Variants in RFPL3 observed in about 807,000 individuals in gnomAD.
RFPL3 encodes the protein ret finger protein like 3, also known as ret finger protein-like 3.
Under a neutral mutation model 8.7 loss-of-function variants are expected in RFPL3, and 8 were observed. The observed-to-expected ratio is 0.92, with a 90% CI of 0.54 to 1.66. The LOEUF (loss-of-function observed/expected upper bound fraction) is 1.66, where lower values mean the gene tolerates loss of function less well. Among genes scored for constraint, RFPL3 ranks in the 40% most tolerant of loss-of-function variants. The pLI, the probability that RFPL3 is intolerant of heterozygous loss-of-function variation, is 0.00. For missense variants in RFPL3, 341 were observed against 395.0 expected, an observed-to-expected ratio of 0.86 and a Z score of 1.16; for synonymous variants, 145 against 150.5, an observed-to-expected ratio of 0.96 and a Z score of 0.27.
Position 32,357,936 on chromosome 22 carries a change from G to C in RFPL3, c.-136G>C. ...TGGACCCTTCCTCCACCTCAGCTCA[G>C]AGCACAGTGATGATTCGTGACTTTC... On this transcript the variant is annotated 5_prime_UTR_variant, in exon 1 of 2. Transcript: ENST00000249007. 6.5e-7 allele frequency: 1 copy of C among 1,526,856 alleles called. No individual in the cohort carries two copies. The highest frequency in any genetic ancestry group is 8.8e-7 in the Non-Finnish European group (1 of 1,138,734). The allele number at this position is 1,526,856 out of a possible 1,614,324, so 94.6% of individuals were successfully genotyped here.
intron 1 of RFPL3, 90 bp from the exon 2 acceptor site, chr22:32,360,162 A>C (rs552952614): frequency 2.0e-6 from 3 of 1,466,916 alleles, no homozygotes; most frequent in South Asian, 2.8e-5. Flanking sequence ...AAGAAACTAA[A>C]GTCAGGAGAT....
rs1279338701 is a variant in RFPL3, at chr22:32,358,369, G to T, written c.298G>T (p.Val100Phe). 6.2e-7 allele frequency: 1 copy of T among 1,614,140 alleles called. No homozygotes were observed. The highest frequency in any genetic ancestry group is 1.3e-5 in the African/African-American group (1 of 75,022). ...GCCCAATCGGCAGCTAGAGAGGCTGGTTTCCCACATCAAGGAACTGGAGCC... is the reference window on the plus strand; with the variant it reads ...GCCCAATCGGCAGCTAGAGAGGCTGTTTTCCCACATCAAGGAACTGGAGCC... ...IRPNRQLERLVSHIKELEPKL... is the reference protein window; with the variant it reads ...IRPNRQLERLFSHIKELEPKL... The change falls in exon 1 of 2, where the codon GTT becomes TTT. Residue 100 changes from valine to phenylalanine, a missense_variant. Physicochemically the swap from Val to Phe is conservative, Grantham distance 50. Transcript: ENST00000249007.
upstream of RFPL3, chr22:32,357,740 T>C (rs1932716037): frequency 3.1e-6 from 2 of 647,836 alleles, no homozygotes; most frequent in Non-Finnish European, 4.2e-6. Context: ...GTGCTGGGAT[T>C]ACAGGCATGA....
rs146824805 is a variant in RFPL3 at position 32,360,573 on chromosome 22, C to T, written c.695C>T (p.Pro232Leu). Residue 232 changes from proline to leucine, a missense_variant, in exon 2 of 2, where the codon CCG (proline) becomes CTG (leucine). Transcript: ENST00000249007. ...AGCCGCCTCTCTGCCAGCACGGTGCCGCTGACTTTCCTCTTAGTAGACCGC... is the reference window on the plus strand; with the variant it reads ...AGCCGCCTCTCTGCCAGCACGGTGCTGCTGACTTTCCTCTTAGTAGACCGC... ...DGSRLSASTV[P>L]LTFLLVDRKL... The T allele has an allele frequency of 1.1e-4, 179 of 1,613,912 alleles. 4 individuals carry two copies. Among genetic ancestry groups the T allele is most frequent in the Middle Eastern group, 9.9e-4 (6 of 6,056 alleles).
upstream of RFPL3, among the ~76,000 whole-genome samples, chr22:32,357,467 G>A (rs1340050689): frequency 7.2e-6 from 1 of 139,010 alleles, no homozygotes; most frequent in Admixed American, 7.3e-5. Flanking sequence ...ACTGCATCCA[G>A]CCCCCTTTTT....
At chr22:32,358,936 C>T (rs571031202) in intron 1 of RFPL3, among the ~76,000 whole-genome samples, 57 of 152,260 alleles carry the variant, frequency 3.7e-4, no homozygotes, top group African/African-American at 1.3e-3. Context: ...GAATGGAGCA[C>T]CTATGGTGTT....
At chr22:32,355,772 A>C (rs191097084), upstream of RFPL3, among the ~76,000 whole-genome samples, 1 of 123,728 alleles carries the variant, frequency 8.1e-6, no homozygotes, top group East Asian at 2.1e-4. Flanking sequence ...ACACAGCGAG[A>C]CTTTGTCTCA....
In RFPL3 at chr22:32,358,294, G is replaced by T. The variant is rs759338505; in HGVS notation, c.223G>T (p.Asp75Tyr). 1.9e-6 allele frequency: 3 copies of T among 1,614,014 alleles called. No homozygotes were observed. Among genetic ancestry groups the T allele is most frequent in the Non-Finnish European group, 2.5e-6 (3 of 1,179,930 alleles). Residue 75 changes from aspartate (D) to tyrosine (Y), a missense_variant, in exon 1 of 2, where the codon GAT becomes TAT. Physicochemically the swap from Asp to Tyr is radical, Grantham distance 160. Transcript: ENST00000249007. ...NSLQKEPHGE[D>Y]LLCCCCSMVS... ...GCTGCAGAAGGAGCCCCATGGGGAG[G>T]ATCTGCTTTGCTGTTGCTGTTCCAT...
intron 1 of RFPL3, among the ~76,000 whole-genome samples, chr22:32,359,200 CCTGA>C (rs1426001099): frequency 5.3e-5 from 8 of 152,290 alleles, no homozygotes; most frequent in African/African-American, 7.2e-5. Flanking sequence ...TCTACCCATA[CCTGA>C]CTGTCTCTCT....
upstream of RFPL3, among the ~76,000 whole-genome samples, chr22:32,355,800 A>AAAG (rs1556020592): frequency 2.0e-5 from 3 of 146,748 alleles, no homozygotes; most frequent in African/African-American, 2.5e-5. Flanking sequence ...AAAAAAAAAA[A>AAAG]GAAAGAAAAG....
At chr22:32,359,559 A>T (rs16990246) in intron 1 of RFPL3, among the ~76,000 whole-genome samples, 9,879 of 152,136 alleles carry the variant, frequency 0.065, 388 homozygotes, top group African/African-American at 0.11. Context: ...TTCTGCCCTT[A>T]TTCTCTACAA....
At chr22:32,358,642 T>C (rs1423555866) in intron 1 of RFPL3, among the ~76,000 whole-genome samples, 198 bp downstream of exon 1, 2 of 152,184 alleles carry the variant, frequency 1.3e-5, no homozygotes, top group Non-Finnish European at 2.9e-5. Context: ...AAAAACCCGA[T>C]GTCTATGTCA....
upstream of RFPL3, among the ~76,000 whole-genome samples, chr22:32,356,399 C>T (rs1446073083): frequency 2.6e-5 from 4 of 151,400 alleles, no homozygotes; most frequent in African/African-American, 9.7e-5. Flanking sequence ...CCTCAGGAGA[C>T]ACCCCTGGGA....
At position 32,358,379 on chromosome 22, in the gene RFPL3, T is replaced by C. The variant is rs762848676; in HGVS notation, c.308T>C (p.Ile103Thr). ...CAGCTAGAGAGGCTGGTTTCCCACA[T>C]CAAGGAACTGGAGCCCAAGCTGAAG... ...NRQLERLVSH[I>T]KELEPKLKKI... is the part of the protein sequence containing the mutation. The change falls in exon 1 of 2, where the codon ATC becomes ACC. Residue 103 changes from isoleucine (I) to threonine (T), a missense_variant. By Grantham distance (89) the Ile-to-Thr change is moderately conservative (BLOSUM62 -1). Coordinates refer to ENST00000249007, the MANE Select transcript of RFPL3 (RefSeq NM_001098535.1). The C allele has an allele frequency of 6.2e-7, 1 of 1,613,880 alleles. No homozygotes were observed. Among genetic ancestry groups the C allele is most frequent in the Non-Finnish European group, 8.5e-7 (1 of 1,179,936 alleles).
At position 32,357,990 on chromosome 22, in the gene RFPL3, G is replaced by T. The variant is rs555135679; in HGVS notation, c.-82G>T. On this transcript the variant is annotated 5_prime_UTR_variant, in exon 1 of 2. Transcript: ENST00000249007. ...ATAGAACTTCAAATCTCTGAGGACG[G>T]GGGGTGGGGGGATGTGCTTGAGTGT... 6 of 1,558,192 alleles carry T rather than the reference G, an allele frequency of 3.9e-6. No homozygotes were observed. The African/African-American group carries it at 4.2e-5, about 11-fold the overall frequency.
upstream of RFPL3, among the ~76,000 whole-genome samples, chr22:32,357,551 C>G (rs1276242253): frequency 6.6e-6 from 1 of 151,848 alleles, no homozygotes; most frequent in Admixed American, 6.6e-5. Flanking sequence ...AGTGCAACTT[C>G]TGCCTCCCAG....
upstream of RFPL3, among the ~76,000 whole-genome samples, chr22:32,355,074 C>T (rs5998437): frequency 0.075 from 10,052 of 134,530 alleles, 415 homozygotes; most frequent in Admixed American, 0.13. Flanking sequence ...AAAACTCCCC[C>T]CACTTGGCAT....
upstream of RFPL3, chr22:32,357,761 C>T (rs1337475860): frequency 3.3e-6 from 3 of 913,190 alleles, no homozygotes; most frequent in East Asian, 4.9e-5. Context: ...GCCATCGTGC[C>T]CAGCCTCTCA....
Position 32,358,459 on chromosome 22 carries a change from T to C in RFPL3, c.373+15T>C. 2 of 1,601,190 alleles carry C rather than the reference T, an allele frequency of 1.2e-6. No homozygotes were observed. The highest frequency in any genetic ancestry group is 1.7e-6 in the Non-Finnish European group (2 of 1,173,624). On this transcript the variant is annotated intron_variant, in intron 1 of 1. Transcript: ENST00000249007. The stretch of plus-strand genomic sequence containing the variant: ...GAAGTTCCAAGGTAAGGAATCTGTA[T>C]ACCCTGCCCCCTTCCCAAGACCAGA...
Sources: allele counts gnomAD v4.1 joint callset (sites outside exome capture counted in the v4.1 genomes callset), GRCh38; gene constraint gnomAD v4.1.1; transcripts MANE v1.5; gene names NCBI Gene and HGNC (gene_info 2026-07-23, HGNC 2026-07-21).